The following PARD3B variants were observed in gnomAD, a reference collection of about 807,000 sequenced individuals.
PARD3B encodes the protein par-3 family cell polarity regulator beta, also known as partitioning defective 3 homolog B.
In PARD3B, 103 loss-of-function variants were observed where a neutral mutation model predicts 130.2. The observed-to-expected ratio is 0.79, with a 90% CI of 0.67 to 0.93. PARD3B has a LOEUF of 0.93. Ranked by LOEUF, PARD3B falls within the 40% of genes least tolerant of loss-of-function variation. The pLI is 0.00. For synonymous variants in PARD3B, 583 were observed against 553.2 expected, an observed-to-expected ratio of 1.05 and a Z score of -0.76; for missense variants, 1,609 against 1,499.2, an observed-to-expected ratio of 1.07 and a Z score of -1.21.
At chr2:204,750,987 A>G (rs1281518685) in intron 2 of PARD3B, among the ~76,000 whole-genome samples, 1 of 152,162 alleles carries the variant, frequency 6.6e-6, no homozygotes, top group East Asian at 1.9e-4. Context: ...TTGAAGGTTG[A>G]ATTTTACATA....
At chr2:205,042,681 C>T (rs1164956202) in intron 3 of PARD3B, among the ~76,000 whole-genome samples, 6 of 152,012 alleles carry the variant, frequency 3.9e-5, no homozygotes, top group African/African-American at 9.7e-5. Context: ...CAATAAGCCA[C>T]GTATAACCTA....
At chr2:205,532,381 T>G (rs114576604) in intron 21 of PARD3B, among the ~76,000 whole-genome samples, 510 of 152,308 alleles carry the variant, frequency 3.3e-3, no homozygotes, top group African/African-American at 0.012. Context: ...TGTTTCAGTT[T>G]TCTCAGACTT....
chr2:205,129,734 T>C (rs2031817661), intron 10 of PARD3B, among the ~76,000 whole-genome samples: 1 of 152,208 alleles, frequency 6.6e-6, no homozygotes, highest in African/African-American at 2.4e-5. Context: ...CTTCCTTACT[T>C]CCTTGTTATC....
intron 10 of PARD3B, among the ~76,000 whole-genome samples, chr2:205,131,873 G>A (rs921038570): frequency 6.6e-6 from 1 of 152,158 alleles, no homozygotes; most frequent in African/African-American, 2.4e-5. Context: ...TCTATTAAGA[G>A]CTTATTGTAA....
chr2:204,719,581 T>C (rs1317925295), intron 2 of PARD3B, among the ~76,000 whole-genome samples: 1 of 152,220 alleles, frequency 6.6e-6, no homozygotes, highest in Non-Finnish European at 1.5e-5. Context: ...TTCTGGTTAT[T>C]TCATTTTGCC....
At chr2:205,031,978 T>C (rs1697460884) in intron 3 of PARD3B, among the ~76,000 whole-genome samples, 1 of 152,198 alleles carries the variant, frequency 6.6e-6, no homozygotes, top group African/African-American at 2.4e-5. Context: ...TTTTAACTTT[T>C]AACCAAATTA....
At chr2:204,692,231 A>C (rs1430243613) in intron 2 of PARD3B, among the ~76,000 whole-genome samples, 1 of 152,106 alleles carries the variant, frequency 6.6e-6, no homozygotes, top group Non-Finnish European at 1.5e-5. Flanking sequence ...TCACAGACTC[A>C]GGCATGGAGA....
At chr2:205,466,956 G>A (rs925660239) in intron 20 of PARD3B, among the ~76,000 whole-genome samples, 5 of 152,120 alleles carry the variant, frequency 3.3e-5, no homozygotes, top group African/African-American at 2.4e-5. Context: ...CAGGTGATCC[G>A]CCCACCTTGG....
chr2:204,992,527 G>A (rs946736480), intron 3 of PARD3B, among the ~76,000 whole-genome samples: 1 of 147,926 alleles, frequency 6.8e-6, no homozygotes, highest in Non-Finnish European at 1.5e-5. Flanking sequence ...CTCCAGCTTT[G>A]TTCTTTTGGC....
chr2:205,596,217 G>A (rs2054565579), intron 22 of PARD3B, among the ~76,000 whole-genome samples: 1 of 152,216 alleles, frequency 6.6e-6, no homozygotes. Context: ...ACCAAGGCAG[G>A]ATGGGGGAAA....
At chr2:205,298,935 T>C (rs2041889273) in intron 16 of PARD3B, among the ~76,000 whole-genome samples, 1 of 152,154 alleles carries the variant, frequency 6.6e-6, no homozygotes, top group African/African-American at 2.4e-5. Flanking sequence ...TTAGACAAGT[T>C]ATGTCAATGC....
rs140732682 is a variant in PARD3B at position 205,488,443 on chromosome 2, C to G, written c.3045-11453C>G. The stretch of plus-strand genomic sequence containing the variant: ...AGTAATGCTCACCTGTGTAAGCTCA[C>G]CGGTTTCTAATAGGCCATGGACTGG... On this transcript the variant is annotated intron_variant, in intron 20 of 22. Transcript: ENST00000406610. Among the ~76,000 whole-genome samples the G allele has an allele frequency of 3.1e-3, 470 of 152,258 alleles. 3 individuals carry two copies. Among genetic ancestry groups the G allele is most frequent in the African/African-American group, 0.011 (451 of 41,548 alleles).
chr2:205,571,620 G>A (rs1305913879), intron 22 of PARD3B, among the ~76,000 whole-genome samples: 1 of 152,210 alleles, frequency 6.6e-6, no homozygotes, highest in Non-Finnish European at 1.5e-5. Flanking sequence ...GAAGGCTAGA[G>A]CAGGACTAAC....
At chr2:204,824,433 G>A (rs1465611932) in intron 2 of PARD3B, among the ~76,000 whole-genome samples, 1 of 152,098 alleles carries the variant, frequency 6.6e-6, no homozygotes, top group African/African-American at 2.4e-5. Context: ...TGCTTCTTTA[G>A]GAATAGCTCA....
intron 2 of PARD3B, among the ~76,000 whole-genome samples, chr2:204,766,965 C>CTTTTTTTTTTTTTTTTT (rs68009060): frequency 7.0e-5 from 8 of 114,452 alleles, no homozygotes; most frequent in South Asian, 6.0e-4. Flanking sequence ...TTTTCTTTTT[C>CTTTTTTTTTTTTTTTTT]TTTTTTTTTT....
At chr2:205,526,778 G>T (rs560084148) in intron 21 of PARD3B, among the ~76,000 whole-genome samples, 1 of 152,272 alleles carries the variant, frequency 6.6e-6, no homozygotes, top group African/African-American at 2.4e-5. Flanking sequence ...TATAGTTAAC[G>T]CTTAAGGTAT....
At chr2:204,972,268 C>G (rs957237395) in intron 3 of PARD3B, among the ~76,000 whole-genome samples, 5 of 152,096 alleles carry the variant, frequency 3.3e-5, no homozygotes, top group Admixed American at 2.0e-4. Flanking sequence ...TTGATCACTT[C>G]CTACCATTTT....
At chr2:205,423,672 C>T (rs2047049270) in intron 19 of PARD3B, among the ~76,000 whole-genome samples, 1 of 152,004 alleles carries the variant, frequency 6.6e-6, no homozygotes, top group African/African-American at 2.4e-5. Flanking sequence ...ATAATATTCA[C>T]AACATGGAAT....
chr2:204,578,691 A>C (rs1351871970), intron 1 of PARD3B, among the ~76,000 whole-genome samples: 2 of 152,100 alleles, frequency 1.3e-5, no homozygotes, highest in African/African-American at 4.8e-5. Context: ...TAAAAATTCA[A>C]ATGGTGTCTT....
Sources: allele counts gnomAD v4.1 joint callset (sites outside exome capture counted in the v4.1 genomes callset), GRCh38; gene constraint gnomAD v4.1.1; transcripts MANE v1.5; gene names NCBI Gene and HGNC (gene_info 2026-07-23, HGNC 2026-07-21).